CSMD1: variants seen among roughly 807,000 people sequenced by gnomAD.
The protein encoded by CSMD1 is CUB and Sushi multiple domains 1.
A neutral mutation model predicts 417.5 loss-of-function variants in CSMD1; 213 were observed. The ratio of observed to expected loss-of-function variants is 0.51; its 90% CI spans 0.46 to 0.57. CSMD1 has a LOEUF of 0.57. Ranked by LOEUF, CSMD1 falls within the 20% of genes least tolerant of loss-of-function variation. The pLI is 0.00. For synonymous variants in CSMD1, 2,862 were observed against 1,736.8 expected (o/e 1.65, Z -16.11); for missense variants, 6,923 against 4,529.7 (o/e 1.53, Z -15.17).
intron 3 of CSMD1, among the ~76,000 whole-genome samples, chr8:4,217,550 G>C (rs1403000697): frequency 6.6e-6 from 1 of 152,126 alleles, no homozygotes; most frequent in Admixed American, 6.5e-5. Flanking sequence ...TCTTGAATAA[G>C]GAAGGCTTTA....
chr8:4,520,018 A>T (rs573159167), intron 2 of CSMD1, among the ~76,000 whole-genome samples: 3 of 151,836 alleles, frequency 2.0e-5, no homozygotes, highest in South Asian at 2.1e-4. Flanking sequence ...GGATATTTAG[A>T]AATAAATTAG....
At chr8:4,978,689 G>C (rs571647315) in intron 1 of CSMD1, among the ~76,000 whole-genome samples, 3 of 152,168 alleles carry the variant, frequency 2.0e-5, no homozygotes, top group Non-Finnish European at 4.4e-5. Flanking sequence ...TGTAATCCCA[G>C]CACTTTGGGA....
intron 3 of CSMD1, among the ~76,000 whole-genome samples, chr8:4,223,014 C>A (rs1034259066): frequency 6.6e-6 from 1 of 151,970 alleles, no homozygotes; most frequent in Non-Finnish European, 1.5e-5. Flanking sequence ...TAGACAAAAA[C>A]ATAATAATAA....
At chr8:3,008,970 T>C (rs1177375933) in intron 52 of CSMD1, among the ~76,000 whole-genome samples, 3 of 152,190 alleles carry the variant, frequency 2.0e-5, no homozygotes, top group Non-Finnish European at 2.9e-5. Context: ...ACCTGTGTGA[T>C]TTTGGAAATG....
chr8:3,276,720 C>G (rs1242127871), intron 26 of CSMD1, among the ~76,000 whole-genome samples: 1 of 152,088 alleles, frequency 6.6e-6, no homozygotes, highest in African/African-American at 2.4e-5. Flanking sequence ...TTAAGCTCAG[C>G]TCAATTACAA....
chr8:3,042,357 G>C (rs754387540), intron 50 of CSMD1, among the ~76,000 whole-genome samples: 1 of 152,110 alleles, frequency 6.6e-6, no homozygotes, highest in Non-Finnish European at 1.5e-5. Context: ...AACAGCCTCA[G>C]AAGAGAGAGG....
At chr8:3,521,776 A>G (rs1797518583) in intron 10 of CSMD1, among the ~76,000 whole-genome samples, 1 of 152,206 alleles carries the variant, frequency 6.6e-6, no homozygotes, top group East Asian at 1.9e-4. Context: ...CCAGAACAAA[A>G]TGCATTGAAT....
chr8:4,398,732 T>TA (rs1392909287), intron 3 of CSMD1, among the ~76,000 whole-genome samples: 2 of 152,190 alleles, frequency 1.3e-5, no homozygotes, highest in Admixed American at 1.3e-4. Context: ...AAACAAATGC[T>TA]AACAGATTTA....
chr8:4,070,447 T>C (rs999395421), intron 3 of CSMD1, among the ~76,000 whole-genome samples: 4 of 151,824 alleles, frequency 2.6e-5, no homozygotes, highest in Non-Finnish European at 4.4e-5. Flanking sequence ...AAGCTCCGCC[T>C]CCCGGGTTCA....
chr8:3,573,370 A>G (rs1467211821), intron 10 of CSMD1, among the ~76,000 whole-genome samples: 1 of 152,182 alleles, frequency 6.6e-6, no homozygotes, highest in Non-Finnish European at 1.5e-5. Context: ...CATATAGAAA[A>G]AACAAGGTTT....
intron 1 of CSMD1, among the ~76,000 whole-genome samples, chr8:4,649,218 A>G (rs1334841918): frequency 3.3e-5 from 5 of 152,232 alleles, no homozygotes; most frequent in Non-Finnish European, 5.9e-5. Context: ...CCAAGTGCCA[A>G]GCACAGTGCC....
intron 7 of CSMD1, among the ~76,000 whole-genome samples, chr8:3,618,873 G>A (rs1249890201): frequency 6.6e-6 from 1 of 152,160 alleles, no homozygotes; most frequent in Non-Finnish European, 1.5e-5. Flanking sequence ...TCCTCTCTAG[G>A]TATGAAGAAG....
intron 5 of CSMD1, among the ~76,000 whole-genome samples, chr8:3,910,448 A>AT (rs1486199132): frequency 6.6e-6 from 1 of 152,222 alleles, no homozygotes; most frequent in Non-Finnish European, 1.5e-5. Context: ...CACGAAATTT[A>AT]AGTGTTCAGG....
intron 5 of CSMD1, among the ~76,000 whole-genome samples, chr8:3,869,760 G>A (rs186952907): frequency 1.9e-3 from 294 of 152,150 alleles, no homozygotes; most frequent in African/African-American, 6.6e-3. Flanking sequence ...CAGGCAACAC[G>A]GGGCCAGGGG....
intron 10 of CSMD1, among the ~76,000 whole-genome samples, chr8:3,541,753 A>G (rs1025857404): frequency 1.3e-5 from 2 of 149,670 alleles, no homozygotes; most frequent in African/African-American, 4.9e-5. Context: ...ATAAATATAT[A>G]TAAACAAAAT....
Position 3,325,542 on chromosome 8 carries a change from G to A in CSMD1, c.3632-17039C>T, listed in dbSNP as rs17079984. Among the ~76,000 whole-genome samples, 11 of 152,246 alleles carry A rather than the reference G, an allele frequency of 7.2e-5. No homozygotes were observed. The South Asian group carries it at 1.5e-3, about 20-fold the overall frequency. On this transcript the variant is annotated intron_variant, in intron 23 of 69. Transcript: ENST00000635120. ...CTTGATGAAAGTAAATAACAAGGTC[G>A]CCTGGGCATGCTGGCTCACGCCTGT...
At chr8:4,060,896 A>G (rs1308410819) in intron 3 of CSMD1, among the ~76,000 whole-genome samples, 1 of 152,170 alleles carries the variant, frequency 6.6e-6, no homozygotes, top group Non-Finnish European at 1.5e-5. Context: ...TAAAACTCCC[A>G]CTAAGCCTGT....
intron 5 of CSMD1, among the ~76,000 whole-genome samples, chr8:3,978,176 C>A (rs568723951): frequency 6.6e-6 from 1 of 152,304 alleles, no homozygotes; most frequent in Admixed American, 6.5e-5. Context: ...AACAGCCTGT[C>A]TGCAGGACTC....
At chr8:4,006,161 T>C (rs985776080) in intron 4 of CSMD1, among the ~76,000 whole-genome samples, 2 of 152,188 alleles carry the variant, frequency 1.3e-5, no homozygotes, top group Admixed American at 6.5e-5. Flanking sequence ...GTACTGCAAA[T>C]TCCCCATGAC....
Sources: allele counts gnomAD v4.1 joint callset (sites outside exome capture counted in the v4.1 genomes callset), GRCh38; gene constraint gnomAD v4.1.1; transcripts MANE v1.5; gene names NCBI Gene and HGNC (gene_info 2026-07-23, HGNC 2026-07-21).